The following SLC2A13 variants were observed in gnomAD, a reference collection of about 807,000 sequenced individuals.
The protein encoded by SLC2A13 is solute carrier family 2 member 13.
Under a neutral mutation model 64.4 loss-of-function variants are expected in SLC2A13, and 32 were observed. The observed-to-expected ratio is 0.50, with a 90% CI of 0.37 to 0.67. The LOEUF is 0.67. SLC2A13 is among the 30% of genes least tolerant of loss of function. The probability of loss-of-function intolerance (pLI) is 0.00; values close to 1 mark genes in which losing one functional copy is unlikely to be tolerated. For missense variants in SLC2A13, 743 were observed against 829.2 expected (o/e 0.90, Z 1.28); for synonymous variants, 338 against 327.1 (o/e 1.03, Z -0.36).
intron 1 of SLC2A13, among the ~76,000 whole-genome samples, chr12:40,076,812 T>C (rs1938196668): frequency 6.6e-6 from 1 of 151,904 alleles, no homozygotes; most frequent in Non-Finnish European, 1.5e-5. Context: ...TCCAGCATGT[T>C]TTTCGTATGC....
intron 3 of SLC2A13, among the ~76,000 whole-genome samples, chr12:39,965,911 T>C (rs561385954): frequency 3.9e-5 from 6 of 152,224 alleles, no homozygotes; most frequent in Admixed American, 3.9e-4. Flanking sequence ...TTATTAATTT[T>C]AGGCAACTGG....
At chr12:39,879,417 G>A (rs1944286478) in intron 4 of SLC2A13, among the ~76,000 whole-genome samples, 1 of 152,210 alleles carries the variant, frequency 6.6e-6, no homozygotes, top group Admixed American at 6.5e-5. Flanking sequence ...GATCAGCCCT[G>A]GGGACTGAAC....
intron 7 of SLC2A13, among the ~76,000 whole-genome samples, chr12:39,792,648 T>G (rs1941443458): frequency 6.6e-6 from 1 of 152,116 alleles, no homozygotes; most frequent in Non-Finnish European, 1.5e-5. Context: ...AACCCACACA[T>G]ACTCAAGTCC....
At chr12:40,050,288 T>A (rs1379128890) in intron 1 of SLC2A13, among the ~76,000 whole-genome samples, 1 of 152,330 alleles carries the variant, frequency 6.6e-6, no homozygotes, top group South Asian at 2.1e-4. Flanking sequence ...TATTTAGCCA[T>A]GTAGCCCCAG....
intron 2 of SLC2A13, among the ~76,000 whole-genome samples, chr12:40,030,906 G>A (rs1038641113): frequency 6.6e-6 from 1 of 152,136 alleles, no homozygotes; most frequent in African/African-American, 2.4e-5. Flanking sequence ...TTGCCCTAAC[G>A]TGTGGAAAAG....
intron 4 of SLC2A13, among the ~76,000 whole-genome samples, chr12:39,873,399 T>A (rs190344310): frequency 3.9e-5 from 6 of 152,308 alleles, no homozygotes; most frequent in Admixed American, 1.3e-4. Context: ...GTTTCCAAGT[T>A]CTACCATATA....
intron 4 of SLC2A13, among the ~76,000 whole-genome samples, chr12:39,895,517 TATATATATA>T (rs1944735162): frequency 2.2e-3 from 2 of 924 alleles, no homozygotes; most frequent in African/African-American, 7.1e-3. Flanking sequence ...AAAAAAATTA[TATATATATA>T]TATATATATA....
At chr12:39,985,141 A>T (rs1947005570) in intron 3 of SLC2A13, among the ~76,000 whole-genome samples, 1 of 152,170 alleles carries the variant, frequency 6.6e-6, no homozygotes, top group Admixed American at 6.5e-5. Flanking sequence ...ACAAAAAATG[A>T]AAAACAAAGG....
At chr12:39,818,019 T>C (rs1238254878) in intron 7 of SLC2A13, among the ~76,000 whole-genome samples, 1 of 152,220 alleles carries the variant, frequency 6.6e-6, no homozygotes, top group Non-Finnish European at 1.5e-5. Flanking sequence ...TATCTCTTTA[T>C]GGTAACACTT....
chr12:39,878,130 G>C (rs73104978), intron 4 of SLC2A13, among the ~76,000 whole-genome samples: 3,113 of 152,274 alleles, frequency 0.02, 111 homozygotes, highest in African/African-American at 0.068. Flanking sequence ...AGCCTACATA[G>C]GAGTAAACCA....
At chr12:39,893,091 T>C (rs1944652036) in intron 4 of SLC2A13, among the ~76,000 whole-genome samples, 1 of 152,196 alleles carries the variant, frequency 6.6e-6, no homozygotes, top group South Asian at 2.1e-4. Context: ...TATTTCCTAT[T>C]GAGAAAACTA....
intron 1 of SLC2A13, among the ~76,000 whole-genome samples, chr12:40,057,611 TTC>T (rs1250804624): frequency 6.6e-6 from 1 of 152,200 alleles, no homozygotes; most frequent in Non-Finnish European, 1.5e-5. Context: ...TGGTTCTATT[TTC>T]TTAGTTCTAA....
chr12:39,980,186 A>T (rs1946861910), intron 3 of SLC2A13, among the ~76,000 whole-genome samples: 1 of 151,898 alleles, frequency 6.6e-6, no homozygotes, highest in Non-Finnish European at 1.5e-5. Context: ...CTAAACATGG[A>T]AAGGAACAAC....
intron 7 of SLC2A13, among the ~76,000 whole-genome samples, chr12:39,827,143 C>T (rs893846246): frequency 6.6e-6 from 1 of 151,888 alleles, no homozygotes; most frequent in Non-Finnish European, 1.5e-5. Context: ...GGATTCCTAA[C>T]ATGCCTCTAT....
At chr12:40,028,571 C>T in intron 2 of SLC2A13, 62 bp from the exon 3 acceptor site, 1 of 1,527,974 alleles carries the variant, frequency 6.5e-7, no homozygotes, top group Non-Finnish European at 9.0e-7. Flanking sequence ...GTGCTCACCA[C>T]ATACTTTTGT....
intron 7 of SLC2A13, among the ~76,000 whole-genome samples, chr12:39,826,106 T>G (rs1942666802): frequency 6.6e-6 from 1 of 152,154 alleles, no homozygotes; most frequent in South Asian, 2.1e-4. Context: ...TACATTTATA[T>G]AAGCTTACTG....
At chr12:39,901,003 G>T (rs1482020322) in intron 4 of SLC2A13, among the ~76,000 whole-genome samples, 1 of 152,066 alleles carries the variant, frequency 6.6e-6, no homozygotes, top group Non-Finnish European at 1.5e-5. Flanking sequence ...ATAGATCAAT[G>T]GAACTGAACA....
At chr12:39,836,365 A>G (rs1943004003) in intron 6 of SLC2A13, among the ~76,000 whole-genome samples, 1 of 152,130 alleles carries the variant, frequency 6.6e-6, no homozygotes, top group African/African-American at 2.4e-5. Context: ...TACTAGCTGC[A>G]GAGAAGAAAT....
chr12:40,011,596 C>T (rs1393298079), intron 3 of SLC2A13, among the ~76,000 whole-genome samples: 1 of 152,132 alleles, frequency 6.6e-6, no homozygotes, highest in Non-Finnish European at 1.5e-5. Context: ...TCCTGTCACC[C>T]AAATAGTGAG....
Sources: gnomAD v4.1 joint callset for allele counts (sites outside exome capture counted in the v4.1 genomes callset) on GRCh38, gnomAD v4.1.1 for gene constraint, MANE v1.5 for transcripts, NCBI Gene and HGNC (gene_info 2026-07-23, HGNC 2026-07-21) for gene names.